The following PPP1R13B variants were observed in gnomAD, a reference collection of about 807,000 sequenced individuals.
The protein encoded by PPP1R13B is protein phosphatase 1 regulatory subunit 13B.
PPP1R13B carries 44 observed loss-of-function variants against 119.8 expected under a neutral mutation model. The ratio of observed to expected loss-of-function variants is 0.37; its 90% CI spans 0.29 to 0.47. PPP1R13B has a LOEUF of 0.47. PPP1R13B is among the 20% of genes least tolerant of loss of function. The pLI, the probability that PPP1R13B is intolerant of heterozygous loss-of-function variation, is 0.99. For synonymous variants in PPP1R13B, 542 were observed against 561.5 expected, an observed-to-expected ratio of 0.97 and a Z score of 0.49; for missense variants, 1,227 against 1,413.5, an observed-to-expected ratio of 0.87 and a Z score of 2.12.
rs185858068 is a variant in PPP1R13B at position 103,828,170 on chromosome 14, C to A, written c.9+19129G>T. ...TCACCCAAGGTCAGGAGTTCGAGAC[C>A]AGCCTGGCCAAAATGGTGAAACCCC... On this transcript the variant is annotated intron_variant, in intron 1 of 16. Coordinates refer to ENST00000202556, the MANE Select transcript of PPP1R13B (RefSeq NM_015316.3). Among the ~76,000 whole-genome samples the A allele has an allele frequency of 3.3e-3, 500 of 152,070 alleles. 3 individuals carry two copies. The highest frequency in any genetic ancestry group is 0.011 in the African/African-American group (472 of 41,490).
intron 4 of PPP1R13B, among the ~76,000 whole-genome samples, chr14:103,771,131 G>T (rs1189390326): frequency 2.0e-5 from 3 of 152,090 alleles, no homozygotes; most frequent in African/African-American, 7.2e-5. Context: ...AGGAGAGACG[G>T]CCCCCTAACT....
chr14:103,782,381 C>T (rs2085357760), intron 3 of PPP1R13B, among the ~76,000 whole-genome samples: 1 of 151,872 alleles, frequency 6.6e-6, no homozygotes, highest in Admixed American at 6.6e-5. Context: ...ATTTATTTAG[C>T]TCAGCTCTCC....
chr14:103,813,921 C>T (rs1037245277), intron 1 of PPP1R13B, among the ~76,000 whole-genome samples: 2 of 152,138 alleles, frequency 1.3e-5, no homozygotes, highest in African/African-American at 2.4e-5. Flanking sequence ...AAAACATTTC[C>T]ATTATCATTT....
chr14:103,845,188 T>C (rs1224067344), intron 1 of PPP1R13B, among the ~76,000 whole-genome samples: 2 of 152,016 alleles, frequency 1.3e-5, no homozygotes, highest in African/African-American at 2.4e-5. Flanking sequence ...ATCATCATGA[T>C]GAATACCAAA....
chr14:103,792,998 G>A (rs951870004), intron 2 of PPP1R13B, among the ~76,000 whole-genome samples: 1 of 151,550 alleles, frequency 6.6e-6, no homozygotes, highest in Admixed American at 6.6e-5. Flanking sequence ...CTGGAACCTG[G>A]GAGGCAGAGG....
Position 103,734,230 on chromosome 14 carries a change from G to A in PPP1R13B, c.*924C>T, listed in dbSNP as rs955504980. On this transcript the variant is annotated 3_prime_UTR_variant, in exon 17 of 17. Transcript: ENST00000202556. Reference sequence around the variant, plus strand: ...CTGCCCCAGCTGCTGCTCCTTGGTGGCGGCCCCTCCTGACACCAGGCGTCT... The same window carrying A: ...CTGCCCCAGCTGCTGCTCCTTGGTGACGGCCCCTCCTGACACCAGGCGTCT... 17 of 283,154 alleles carry A rather than the reference G, an allele frequency of 6.0e-5. No homozygotes were observed. Among genetic ancestry groups the A allele is most frequent in the African/African-American group, 3.3e-4 (15 of 46,006 alleles). 17.5% of individuals were successfully genotyped at this position (283,154 alleles called of 1,614,324 possible). A position where few individuals can be genotyped will look rare whatever the true frequency, so the allele number is the denominator to read the frequency against.
intron 1 of PPP1R13B, among the ~76,000 whole-genome samples, chr14:103,819,499 T>TAAAAAA (rs151084316): frequency 8.2e-6 from 1 of 122,042 alleles, no homozygotes; most frequent in African/African-American, 3.5e-5. Flanking sequence ...ATCTGTCTAT[T>TAAAAAA]AAAAAAAACA....
intron 7 of PPP1R13B, among the ~76,000 whole-genome samples, chr14:103,752,308 G>A (rs2084567704): frequency 6.6e-6 from 1 of 152,138 alleles, no homozygotes; most frequent in Admixed American, 6.5e-5. Flanking sequence ...GAAACGTCCA[G>A]AATAGGCAAA....
chr14:103,755,563 G>C (rs1000432290), intron 5 of PPP1R13B, among the ~76,000 whole-genome samples: 1 of 152,132 alleles, frequency 6.6e-6, no homozygotes, highest in African/African-American at 2.4e-5. Context: ...CCATATGTAT[G>C]CATAAAATAC....
intron 1 of PPP1R13B, among the ~76,000 whole-genome samples, chr14:103,815,314 A>C (rs1012605876): frequency 1.3e-5 from 2 of 152,232 alleles, no homozygotes; most frequent in South Asian, 4.1e-4. Context: ...AAATGGGTAC[A>C]AGATTTCTTT....
chr14:103,839,690 G>A (rs1337244036), intron 1 of PPP1R13B, among the ~76,000 whole-genome samples: 3 of 150,626 alleles, frequency 2.0e-5, no homozygotes, highest in Non-Finnish European at 4.4e-5. Flanking sequence ...GGCCCTACAA[G>A]ATCAATCCTA....
chr14:103,800,294 G>A (rs1166031889), intron 1 of PPP1R13B, among the ~76,000 whole-genome samples: 1 of 152,128 alleles, frequency 6.6e-6, no homozygotes. Flanking sequence ...CTCTAGCCTG[G>A]GCAACAGAGC....
chr14:103,735,338 T>C, intron 16 of PPP1R13B, 143 bp from the exon 17 acceptor site: 1 of 763,054 alleles, frequency 1.3e-6, no homozygotes, highest in Non-Finnish European at 2.3e-6. Flanking sequence ...CAGCTGCACC[T>C]CTACACTGAG....
At chr14:103,828,910 G>T (rs190233625) in intron 1 of PPP1R13B, among the ~76,000 whole-genome samples, 71 of 152,218 alleles carry the variant, frequency 4.7e-4, no homozygotes, top group Non-Finnish European at 8.1e-4. Flanking sequence ...AGGTGATAAA[G>T]GTCCTCCTCT....
intron 1 of PPP1R13B, among the ~76,000 whole-genome samples, chr14:103,825,883 C>T (rs1339759557): frequency 1.3e-5 from 2 of 149,910 alleles, no homozygotes; most frequent in East Asian, 1.9e-4. Context: ...CTCGCTCTAT[C>T]GCCAAGGCTG....
At chr14:103,812,127 GT>G (rs754523884) in intron 1 of PPP1R13B, among the ~76,000 whole-genome samples, 11,139 of 121,260 alleles carry the variant, frequency 0.092, 628 homozygotes, top group African/African-American at 0.2. Context: ...TCTGTGTGTG[GT>G]TTTTTTTTTT....
chr14:103,778,161 C>T (rs1033670727), intron 4 of PPP1R13B, among the ~76,000 whole-genome samples: 2 of 151,622 alleles, frequency 1.3e-5, no homozygotes, highest in African/African-American at 2.4e-5. Context: ...ACCATATTGG[C>T]CAGCCTGGTC....
chr14:103,805,113 A>C (rs1462996257), intron 1 of PPP1R13B, among the ~76,000 whole-genome samples: 1 of 152,126 alleles, frequency 6.6e-6, no homozygotes, highest in Non-Finnish European at 1.5e-5. Context: ...CTGGGATTAC[A>C]GGCGTGAGCC....
intron 4 of PPP1R13B, chr14:103,763,076 G>C (rs2084848858): frequency 2.5e-6 from 3 of 1,192,216 alleles, no homozygotes; most frequent in South Asian, 1.3e-5. Flanking sequence ...GTTGTCACCA[G>C]CACTTTGTGA....
Sources: gnomAD v4.1 joint callset for allele counts (sites outside exome capture counted in the v4.1 genomes callset) on GRCh38, gnomAD v4.1.1 for gene constraint, MANE v1.5 for transcripts, NCBI Gene and HGNC (gene_info 2026-07-23, HGNC 2026-07-21) for gene names.